MYO10: variants seen among roughly 807,000 people sequenced by gnomAD.
The protein encoded by MYO10 is unconventional myosin-X.
In MYO10, 133 loss-of-function variants were observed where a neutral mutation model predicts 257.3. That is an observed-to-expected ratio of 0.52 (90% CI 0.45 to 0.60). MYO10 has a LOEUF of 0.60. Ranked by LOEUF, MYO10 falls within the 20% of genes least tolerant of loss-of-function variation. The pLI, the probability that MYO10 is intolerant of heterozygous loss-of-function variation, is 0.00. For missense variants in MYO10, 2,399 were observed against 2,635.7 expected (o/e 0.91, Z 1.97); for synonymous variants, 1,104 against 1,028.6 (o/e 1.07, Z -1.40).
intron 28 of MYO10, 42 bp from the exon 29 acceptor site, chr5:16,685,873 C>T (rs772399774): frequency 1.8e-5 from 27 of 1,491,708 alleles, no homozygotes; most frequent in Admixed American, 1.2e-4. Context: ...AGGCCAACCT[C>T]GTACTGGCAA....
At chr5:16,868,963 A>C (rs1744365915) in intron 2 of MYO10, among the ~76,000 whole-genome samples, 1 of 152,144 alleles carries the variant, frequency 6.6e-6, no homozygotes, top group Non-Finnish European at 1.5e-5. Context: ...TTCCTTAAAG[A>C]CTGAATGAAA....
At chr5:16,724,033 T>C (rs1739259158) in intron 19 of MYO10, among the ~76,000 whole-genome samples, 4 of 152,162 alleles carry the variant, frequency 2.6e-5, no homozygotes, top group African/African-American at 9.7e-5. Context: ...ATACATGACA[T>C]CATGCATTTG....
chr5:16,873,043 T>G lies in MYO10; in HGVS notation c.120+4566A>C, dbSNP rs564053689. On this transcript the variant is annotated intron_variant, in intron 2 of 40. Coordinates refer to ENST00000513610, the MANE Select transcript of MYO10 (RefSeq NM_012334.3). ...ATGCCTTCCCAATGGTCCCCCAAAG[T>G]CTTAACTCATTTCAGCATTAACCCA... Among the ~76,000 whole-genome samples the G allele has an allele frequency of 2.1e-4, 32 of 152,186 alleles. No homozygotes were observed. The East Asian group carries it at 3.3e-3, about 16-fold the overall frequency.
chr5:16,747,228 T>TA (rs1277290848), intron 19 of MYO10, among the ~76,000 whole-genome samples: 1 of 152,086 alleles, frequency 6.6e-6, no homozygotes, highest in Non-Finnish European at 1.5e-5. Flanking sequence ...TGATACACAT[T>TA]AAAGACACCA....
At chr5:16,727,378 C>G (rs1739411129) in intron 19 of MYO10, among the ~76,000 whole-genome samples, 1 of 152,130 alleles carries the variant, frequency 6.6e-6, no homozygotes, top group Non-Finnish European at 1.5e-5. Context: ...ATACCTGCAG[C>G]ATGTTTTGTA....
intron 1 of MYO10, among the ~76,000 whole-genome samples, chr5:16,917,358 T>C (rs148751534): frequency 1.4e-3 from 209 of 152,306 alleles, no homozygotes; most frequent in African/African-American, 4.5e-3. Context: ...CTTAACACTA[T>C]TGACCTATTA....
At chr5:16,756,751 T>C (rs1232523240) in intron 18 of MYO10, among the ~76,000 whole-genome samples, 1 of 152,104 alleles carries the variant, frequency 6.6e-6, no homozygotes, top group Non-Finnish European at 1.5e-5. Flanking sequence ...CCTGGAAAGC[T>C]CACCCACCCT....
intron 1 of MYO10, among the ~76,000 whole-genome samples, chr5:16,914,279 A>G (rs1745753913): frequency 6.6e-6 from 1 of 152,300 alleles, no homozygotes; most frequent in Admixed American, 6.5e-5. Context: ...ACAGCTGGCC[A>G]TGCCGCCTTC....
At chr5:16,842,885 C>A (rs1355690883) in intron 2 of MYO10, among the ~76,000 whole-genome samples, 2 of 150,092 alleles carry the variant, frequency 1.3e-5, no homozygotes, top group Non-Finnish European at 3.0e-5. Flanking sequence ...CGCAGTGAGA[C>A]CCCGTCTCTA....
chr5:16,931,650 A>T (rs538612639), intron 1 of MYO10, among the ~76,000 whole-genome samples: 49 of 152,160 alleles, frequency 3.2e-4, no homozygotes, highest in African/African-American at 1.1e-3. Context: ...AAAAATGAGT[A>T]CTTGACAATA....
intron 19 of MYO10, among the ~76,000 whole-genome samples, chr5:16,744,476 G>A (rs150474935): frequency 1.1e-3 from 166 of 152,212 alleles, no homozygotes; most frequent in African/African-American, 3.8e-3. Context: ...GTGGCTGTGC[G>A]ATACCCTTCC....
chr5:16,718,830 T>G (rs1453423621), intron 19 of MYO10, among the ~76,000 whole-genome samples: 1 of 151,782 alleles, frequency 6.6e-6, no homozygotes. Flanking sequence ...TGGTGGGGCC[T>G]TGGAGAACCT....
intron 24 of MYO10, 132 bp downstream of exon 24, chr5:16,702,411 T>C (rs1738122960): frequency 5.6e-6 from 5 of 890,390 alleles, no homozygotes; most frequent in African/African-American, 3.4e-5. Context: ...AATTGGATCA[T>C]AAACACATCC....
chr5:16,830,096 C>A (rs139867806), intron 2 of MYO10, among the ~76,000 whole-genome samples: 1 of 152,034 alleles, frequency 6.6e-6, no homozygotes, highest in South Asian at 2.1e-4. Context: ...ATTAGCCGGG[C>A]GTCATGGTGC....
chr5:16,668,685 C>CACTA (rs1736293837), intron 39 of MYO10, among the ~76,000 whole-genome samples: 1 of 152,216 alleles, frequency 6.6e-6, no homozygotes, highest in African/African-American at 2.4e-5. Context: ...GGGAAAACCT[C>CACTA]ACTAACTGGC....
At chr5:16,827,007 T>C (rs1743020109) in intron 2 of MYO10, among the ~76,000 whole-genome samples, 1 of 152,216 alleles carries the variant, frequency 6.6e-6, no homozygotes, top group Non-Finnish European at 1.5e-5. Context: ...TGGCGTTCCT[T>C]TGCAACCAAG....
At chr5:16,904,533 A>AGAACT (rs1745468868) in intron 1 of MYO10, among the ~76,000 whole-genome samples, 2 of 152,200 alleles carry the variant, frequency 1.3e-5, no homozygotes, top group Admixed American at 1.3e-4. Context: ...AGACAGTGTC[A>AGAACT]GAACTGAACT....
At chr5:16,691,419 C>T (rs1737498193) in intron 27 of MYO10, among the ~76,000 whole-genome samples, 2 of 151,924 alleles carry the variant, frequency 1.3e-5, no homozygotes, top group Admixed American at 1.3e-4. Context: ...AAGATCAGGG[C>T]CGGGCGTGGC....
At chr5:16,747,668 C>A (rs1740234670) in intron 19 of MYO10, among the ~76,000 whole-genome samples, 1 of 152,094 alleles carries the variant, frequency 6.6e-6, no homozygotes, top group Admixed American at 6.5e-5. Context: ...CCTGTAATCC[C>A]AGCACTTCGG....
Sources: allele counts gnomAD v4.1 joint callset (sites outside exome capture counted in the v4.1 genomes callset), GRCh38; gene constraint gnomAD v4.1.1; transcripts MANE v1.5; gene names NCBI Gene and HGNC (gene_info 2026-07-23, HGNC 2026-07-21).